GRM7: variants seen among roughly 807,000 people sequenced by gnomAD.
GRM7 encodes metabotropic glutamate receptor 7.
A neutral mutation model predicts 84.5 loss-of-function variants in GRM7; 35 were observed. The observed-to-expected ratio is 0.41, with a 90% CI of 0.32 to 0.55. The LOEUF (loss-of-function observed/expected upper bound fraction) is 0.55. Ranked by LOEUF, GRM7 falls within the 20% of genes least tolerant of loss-of-function variation. GRM7 has a pLI of 0.19. For missense variants in GRM7, 1,003 were observed against 1,194.6 expected (o/e 0.84, Z 2.36); for synonymous variants, 487 against 455.1 (o/e 1.07, Z -0.89).
intron 1 of GRM7, among the ~76,000 whole-genome samples, chr3:6,969,954 T>C (rs1219682030): frequency 6.6e-6 from 1 of 152,242 alleles, no homozygotes; most frequent in Non-Finnish European, 1.5e-5. Flanking sequence ...CAGAAATGCA[T>C]GTGCCTTTTC....
intron 1 of GRM7, among the ~76,000 whole-genome samples, chr3:6,890,913 C>T (rs1695911641): frequency 1.3e-5 from 2 of 152,114 alleles, no homozygotes; most frequent in Admixed American, 6.5e-5. Flanking sequence ...AACCTGGGTG[C>T]TCCTGTATTG....
chr3:7,604,585 G>A (rs372860088), intron 8 of GRM7, among the ~76,000 whole-genome samples: 17 of 152,234 alleles, frequency 1.1e-4, no homozygotes, highest in African/African-American at 4.1e-4. Flanking sequence ...CAGTTTTCTT[G>A]CAAAGGTTTC....
chr3:7,687,475 A>C (rs1441784020), intron 9 of GRM7, among the ~76,000 whole-genome samples: 3 of 152,228 alleles, frequency 2.0e-5, no homozygotes, highest in Non-Finnish European at 2.9e-5. Context: ...AAAAATATGC[A>C]GTAGAGAACA....
chr3:7,338,311 T>A (rs185387858), intron 4 of GRM7, among the ~76,000 whole-genome samples: 84 of 151,896 alleles, frequency 5.5e-4, no homozygotes, highest in African/African-American at 2.0e-3. Context: ...TGCAAAGGCA[T>A]AAGAATAATA....
chr3:7,358,522 A>G (rs1693510045), intron 4 of GRM7, among the ~76,000 whole-genome samples: 1 of 148,724 alleles, frequency 6.7e-6, no homozygotes, highest in South Asian at 2.1e-4. Context: ...TGGAAAATGT[A>G]TTCTATCATT....
intron 2 of GRM7, among the ~76,000 whole-genome samples, chr3:7,261,902 C>CTCCCTCCCTCCCTTCCTCCCTTCTT (rs1698439893): frequency 1.2e-5 from 1 of 82,852 alleles, no homozygotes; most frequent in Admixed American, 1.4e-4. Flanking sequence ...CCCTCCCTCC[C>CTCCCTCCCTCCCTTCCTCCCTTCTT]TCCCTCCCTC....
chr3:6,978,000 A>G (rs1304382805), intron 1 of GRM7, among the ~76,000 whole-genome samples: 1 of 152,152 alleles, frequency 6.6e-6, no homozygotes, highest in African/African-American at 2.4e-5. Context: ...GTGGCCCCTC[A>G]AAATCTATGT....
At chr3:6,923,824 C>T (rs929322256) in intron 1 of GRM7, among the ~76,000 whole-genome samples, 1 of 152,176 alleles carries the variant, frequency 6.6e-6, no homozygotes, top group Non-Finnish European at 1.5e-5. Context: ...ATGCAGCTGA[C>T]TAAACCTCTT....
At chr3:7,386,790 T>C (rs1694802203) in intron 4 of GRM7, among the ~76,000 whole-genome samples, 1 of 152,172 alleles carries the variant, frequency 6.6e-6, no homozygotes. Flanking sequence ...CACCCAGTAA[T>C]TGGGACTATT....
intron 1 of GRM7, among the ~76,000 whole-genome samples, chr3:7,051,645 CT>C (rs879804337): frequency 1.3e-5 from 2 of 151,738 alleles, no homozygotes; most frequent in African/African-American, 4.8e-5. Context: ...ATGTTTTCTT[CT>C]TTTCTCCCAC....
At chr3:7,650,167 C>T (rs2125113343) in intron 8 of GRM7, among the ~76,000 whole-genome samples, 1 of 152,186 alleles carries the variant, frequency 6.6e-6, no homozygotes, top group Non-Finnish European at 1.5e-5. Flanking sequence ...GAGGTTAATG[C>T]TATTAAGTAA....
At chr3:7,700,101 C>G (rs114731304) in intron 9 of GRM7, among the ~76,000 whole-genome samples, 1,689 of 152,334 alleles carry the variant, frequency 0.011, 40 homozygotes, top group African/African-American at 0.039. Context: ...GCAGAATCAT[C>G]TAGGACTTTT....
At chr3:7,064,461 T>TATATATATATATATACACACAC (rs1260975143) in intron 1 of GRM7, among the ~76,000 whole-genome samples, 4 of 78,730 alleles carry the variant, frequency 5.1e-5, no homozygotes, top group African/African-American at 3.4e-4. Context: ...TGGATATATA[T>TATATATATATATATACACACAC]ACATATATAT....
chr3:7,140,122 G>A (rs1289025161), intron 1 of GRM7, among the ~76,000 whole-genome samples: 1 of 151,856 alleles, frequency 6.6e-6, no homozygotes, highest in Non-Finnish European at 1.5e-5. Context: ...CATCTGTTAT[G>A]GTGGCTATAA....
intron 1 of GRM7, among the ~76,000 whole-genome samples, chr3:7,056,830 G>A (rs1444338975): frequency 1.3e-5 from 2 of 151,914 alleles, no homozygotes; most frequent in African/African-American, 4.8e-5. Flanking sequence ...ATAATATTTA[G>A]TCACATTATT....
intron 4 of GRM7, among the ~76,000 whole-genome samples, chr3:7,316,486 T>A (rs1048965496): frequency 7.9e-5 from 12 of 151,720 alleles, no homozygotes; most frequent in African/African-American, 2.9e-4. Context: ...TGAACCAGGG[T>A]GTAATGCTGA....
chr3:7,142,424 G>A (rs1470497602), intron 1 of GRM7, among the ~76,000 whole-genome samples: 1 of 152,014 alleles, frequency 6.6e-6, no homozygotes, highest in Non-Finnish European at 1.5e-5. Flanking sequence ...CGAAGGGGAA[G>A]CAGGGCACCT....
chr3:7,343,171 CAGA>C (rs1439752027), intron 4 of GRM7, among the ~76,000 whole-genome samples: 3 of 152,196 alleles, frequency 2.0e-5, no homozygotes, highest in Admixed American at 6.6e-5. Flanking sequence ...CCTTTAGCAG[CAGA>C]AGATGATAAG....
Position 7,151,018 on chromosome 3 carries a change from C to A in GRM7, c.736+4350C>A, listed in dbSNP as rs1454612687. Reference sequence around the variant, plus strand: ...ATCATACATGTCGACTTCTCAAAACCTAAAAGATCTATCCATTTGATATTT... The same window carrying A: ...ATCATACATGTCGACTTCTCAAAACATAAAAGATCTATCCATTTGATATTT... On this transcript the variant is annotated intron_variant, in intron 2 of 9. Coordinates refer to ENST00000357716, the MANE Select transcript of GRM7 (RefSeq NM_000844.4). This position sits in a 1 kb window ranked among gnomAD's most constrained non-coding sequence, Gnocchi z 4.5. Among the ~76,000 whole-genome samples the A allele has an allele frequency of 6.6e-6, 1 of 152,144 alleles. No individual in the cohort carries two copies. The highest frequency in any genetic ancestry group is 2.4e-5 in the African/African-American group (1 of 41,422).
Sources: allele counts gnomAD v4.1 joint callset (sites outside exome capture counted in the v4.1 genomes callset), GRCh38; gene constraint gnomAD v4.1.1; non-coding constraint Gnocchi (gnomAD v3.1); transcripts MANE v1.5; gene names NCBI Gene and HGNC (gene_info 2026-07-23, HGNC 2026-07-21).